TRIM2: variants seen among roughly 807,000 people sequenced by gnomAD.
TRIM2 encodes tripartite motif-containing protein 2.
A neutral mutation model predicts 75.2 loss-of-function variants in TRIM2; 20 were observed. The ratio of observed to expected loss-of-function variants is 0.27; its 90% CI spans 0.19 to 0.39. The LOEUF is 0.39. Among genes scored for constraint, TRIM2 ranks in the 10% least tolerant of loss-of-function variants. TRIM2 has a pLI of 1.00. For missense variants in TRIM2, 660 were observed against 990.8 expected, an observed-to-expected ratio of 0.67 and a Z score of 4.48; for synonymous variants, 373 against 388.3, an observed-to-expected ratio of 0.96 and a Z score of 0.46.
At position 153,338,343 on chromosome 4, in the gene TRIM2, C is replaced by A; in HGVS notation, c.*3377C>A. The A allele has an allele frequency of 1.0e-6, 1 of 985,682 alleles. No individual in the cohort carries two copies. The highest frequency in any genetic ancestry group is 1.2e-6 in the Non-Finnish European group (1 of 829,872). 61.1% of individuals were successfully genotyped at this position (985,682 alleles called of 1,614,324 possible). ...AAATCTTTTTGTAGACTCTATAGTACCCTCTCTATTCACTAGCTTCTGAAA... is the reference window on the plus strand; with the variant it reads ...AAATCTTTTTGTAGACTCTATAGTAACCTCTCTATTCACTAGCTTCTGAAA... On this transcript the variant is annotated 3_prime_UTR_variant, in exon 12 of 12. Coordinates refer to ENST00000338700, the MANE Select transcript of TRIM2 (RefSeq NM_015271.5).
intron 1 of TRIM2, among the ~76,000 whole-genome samples, chr4:153,225,372 T>A (rs146180156): frequency 6.6e-6 from 1 of 152,228 alleles, no homozygotes; most frequent in African/African-American, 2.4e-5. Context: ...TTTTCCTTTT[T>A]GGTTTCTTGA....
intron 1 of TRIM2, among the ~76,000 whole-genome samples, chr4:153,217,510 T>G (rs1180272433): frequency 6.6e-6 from 1 of 152,140 alleles, no homozygotes; most frequent in Non-Finnish European, 1.5e-5. Flanking sequence ...GAAGTTTAAT[T>G]TTACAGCATA....
Position 153,283,861 on chromosome 4 carries a change from C to CTTTTT in TRIM2, c.453+7754_453+7758dup, listed in dbSNP as rs71598257. ...TCATCTTGGCCAGGATGGCCTTGATCTTTTTTTTTTTTTTTTTTTTTTTTT... is the reference window on the plus strand; with the variant it reads ...TCATCTTGGCCAGGATGGCCTTGATCTTTTTTTTTTTTTTTTTTTTTTTTTTTTTT... On this transcript the variant is annotated intron_variant, in intron 3 of 11. Coordinates refer to ENST00000338700, the MANE Select transcript of TRIM2 (RefSeq NM_015271.5). Among the ~76,000 whole-genome samples, 15 of 53,276 alleles carry CTTTTT rather than the reference C, an allele frequency of 2.8e-4. 2 individuals carry two copies. The highest frequency in any genetic ancestry group is 1.3e-3 in the African/African-American group (15 of 11,750). The allele number at this position is 53,276 out of a possible 152,430, so 35.0% of individuals were successfully genotyped here.
At chr4:153,221,102 A>G (rs919728098) in intron 1 of TRIM2, among the ~76,000 whole-genome samples, 2 of 152,208 alleles carry the variant, frequency 1.3e-5, no homozygotes, top group African/African-American at 4.8e-5. Context: ...TGTCTATCAA[A>G]TGTTAAACAG....
intron 1 of TRIM2, among the ~76,000 whole-genome samples, chr4:153,197,894 T>TGA (rs1156554777): frequency 6.6e-6 from 1 of 151,952 alleles, no homozygotes; most frequent in Non-Finnish European, 1.5e-5. Flanking sequence ...AATAAATAAA[T>TGA]GAGAGACCCG....
Position 153,338,436 on chromosome 4 carries a change from T to G in TRIM2, c.*3470T>G. The stretch of plus-strand genomic sequence containing the variant: ...CAAGACATCTCCAGGTAGGAAAAAA[T>G]GAAAGCTATTTCATGCAAACATTAT... On this transcript the variant is annotated 3_prime_UTR_variant, in exon 12 of 12. Coordinates refer to ENST00000338700, the MANE Select transcript of TRIM2 (RefSeq NM_015271.5). 2 of 985,776 alleles carry G rather than the reference T, an allele frequency of 2.0e-6. No homozygotes were observed. The highest frequency in any genetic ancestry group is 2.4e-6 in the Non-Finnish European group (2 of 829,872). The allele number at this position is 985,776 out of a possible 1,614,324, so 61.1% of individuals were successfully genotyped here. A position where few individuals can be genotyped will look rare whatever the true frequency, so the allele number is the denominator to read the frequency against.
chr4:153,239,837 T>TTTTC (rs1490390580), intron 1 of TRIM2, among the ~76,000 whole-genome samples: 2 of 148,750 alleles, frequency 1.3e-5, no homozygotes, highest in East Asian at 3.9e-4. Flanking sequence ...TCTTTCTCTT[T>TTTTC]TTTTTTTTTT....
chr4:153,155,793 C>A (rs138405465), intron 1 of TRIM2, among the ~76,000 whole-genome samples: 3 of 152,270 alleles, frequency 2.0e-5, no homozygotes, highest in Non-Finnish European at 4.4e-5. Flanking sequence ...CTGGTATAAG[C>A]CCAGGTATGG....
chr4:153,322,114 A>G (rs1769126599), intron 8 of TRIM2, among the ~76,000 whole-genome samples: 1 of 151,872 alleles, frequency 6.6e-6, no homozygotes, highest in Non-Finnish European at 1.5e-5. Context: ...TCTTTTAAGA[A>G]TAAGGATTTT....
chr4:153,275,376 T>A (rs576290651), intron 2 of TRIM2, among the ~76,000 whole-genome samples: 3 of 152,256 alleles, frequency 2.0e-5, no homozygotes, highest in Non-Finnish European at 4.4e-5. Flanking sequence ...TCCACTTTGA[T>A]GTGTTTTTTA....
chr4:153,186,306 A>G (rs931674274), intron 1 of TRIM2, among the ~76,000 whole-genome samples: 1 of 152,220 alleles, frequency 6.6e-6, no homozygotes, highest in Non-Finnish European at 1.5e-5. Context: ...GGTTACATTC[A>G]GCCCTAACAT....
chr4:153,210,156 C>T (rs894774784), intron 1 of TRIM2, among the ~76,000 whole-genome samples: 1 of 151,100 alleles, frequency 6.6e-6, no homozygotes, highest in Non-Finnish European at 1.5e-5. Flanking sequence ...CTTTCACCTC[C>T]CAGGTTCAAG....
At chr4:153,168,808 G>T (rs1277820837) in intron 1 of TRIM2, among the ~76,000 whole-genome samples, 1 of 152,130 alleles carries the variant, frequency 6.6e-6, no homozygotes, top group Non-Finnish European at 1.5e-5. Flanking sequence ...GTTCTCTAAG[G>T]CTGGGTGTAT....
At chr4:153,174,236 T>A (rs530962460) in intron 1 of TRIM2, among the ~76,000 whole-genome samples, 2 of 145,934 alleles carry the variant, frequency 1.4e-5, no homozygotes, top group South Asian at 2.2e-4. Context: ...GGCAGTGCCA[T>A]TGACTTAGAG....
At chr4:153,229,855 C>T (rs1007006323) in intron 1 of TRIM2, among the ~76,000 whole-genome samples, 5 of 152,094 alleles carry the variant, frequency 3.3e-5, no homozygotes, top group African/African-American at 7.3e-5. Context: ...ACATTTCTTT[C>T]GTTAGATTTT....
rs1560874783 is a variant in TRIM2 at position 153,244,385 on chromosome 4, TTCTTCTTCTTCTTCTTCTTCTTCTTCTTC to T, written c.31-25948_31-25920del. 1.4e-3 allele frequency among the ~76,000 whole-genome samples: 103 copies of T among 72,822 alleles called. 13 individuals are homozygous for T. Among genetic ancestry groups the T allele is most frequent in the African/African-American group, 9.4e-3 (100 of 10,612 alleles). The allele number at this position is 72,822 out of a possible 152,430, so 47.8% of individuals were successfully genotyped here. A position where few individuals can be genotyped will look rare whatever the true frequency, so the allele number is the denominator to read the frequency against. Reference sequence around the variant, plus strand: ...CTTCTTCTTCTTCTTCTTCTTCTTCTTCTTCTTCTTCTTCTTCTTCTTCTTCTTCTTCTTCTTCTTCTTCTTCTTCTTTT... The same window carrying T: ...CTTCTTCTTCTTCTTCTTCTTCTTCTTTCTTCTTCTTCTTCTTCTTCTTTT... On this transcript the variant is annotated intron_variant, in intron 1 of 11. Transcript: ENST00000338700.
At chr4:153,288,373 G>A (rs1761125891) in intron 3 of TRIM2, among the ~76,000 whole-genome samples, 1 of 152,100 alleles carries the variant, frequency 6.6e-6, no homozygotes, top group African/African-American at 2.4e-5. Context: ...GGAGCCAGAG[G>A]TTGCAGTGAG....
At chr4:153,278,397 C>T (rs536102325) in intron 3 of TRIM2, among the ~76,000 whole-genome samples, 4 of 152,196 alleles carry the variant, frequency 2.6e-5, no homozygotes, top group Non-Finnish European at 4.4e-5. Flanking sequence ...TACAGGTATG[C>T]GCCACTGTGC....
chr4:153,267,128 T>C (rs1755398323), intron 1 of TRIM2: 3 of 151,848 alleles, frequency 2.0e-5, no homozygotes, highest in Non-Finnish European at 2.9e-5. Flanking sequence ...AGTACAGAAG[T>C]GTTGCTTCTG....
Sources: allele counts gnomAD v4.1 joint callset (sites outside exome capture counted in the v4.1 genomes callset), GRCh38; gene constraint gnomAD v4.1.1; transcripts MANE v1.5; gene names NCBI Gene and HGNC (gene_info 2026-07-23, HGNC 2026-07-21).